Variants in DNAJC1 observed in about 807,000 individuals in gnomAD.
The protein encoded by DNAJC1 is dnaJ homolog subfamily C member 1.
A neutral mutation model predicts 76.6 loss-of-function variants in DNAJC1; 58 were observed. The observed-to-expected ratio is 0.76, with a 90% CI of 0.61 to 0.94. The LOEUF (loss-of-function observed/expected upper bound fraction) is 0.94, where lower values mean the gene tolerates loss of function less well. Among genes scored for constraint, DNAJC1 ranks in the 40% least tolerant of loss-of-function variants. The pLI is 0.00. For synonymous variants in DNAJC1, 258 were observed against 267.9 expected (o/e 0.96, Z 0.36); for missense variants, 689 against 677.3 (o/e 1.02, Z -0.19).
At chr10:21,858,785 G>C (rs1835879622) in intron 8 of DNAJC1, among the ~76,000 whole-genome samples, 2 of 152,088 alleles carry the variant, frequency 1.3e-5, no homozygotes, top group Non-Finnish European at 2.9e-5. Flanking sequence ...GGGAGGAAAA[G>C]GAAGAAAATA....
chr10:21,896,900 G>C (rs563624477), intron 7 of DNAJC1, among the ~76,000 whole-genome samples: 2 of 152,242 alleles, frequency 1.3e-5, no homozygotes, highest in South Asian at 4.1e-4. Context: ...TCTTACAAAA[G>C]AGACTTCACA....
chr10:21,767,968 C>T (rs1446714076), intron 9 of DNAJC1, among the ~76,000 whole-genome samples: 4 of 152,012 alleles, frequency 2.6e-5, no homozygotes, highest in Non-Finnish European at 2.9e-5. Context: ...GCACTCCAGC[C>T]TGGGCAACAG....
At chr10:21,906,800 T>A (rs977508968) in intron 6 of DNAJC1, among the ~76,000 whole-genome samples, 1 of 152,178 alleles carries the variant, frequency 6.6e-6, no homozygotes, top group South Asian at 2.1e-4. Context: ...AGGACTGTTA[T>A]GAAGATTAAA....
chr10:21,974,856 C>G (rs1042815441), intron 1 of DNAJC1, among the ~76,000 whole-genome samples: 7 of 151,892 alleles, frequency 4.6e-5, no homozygotes, highest in Non-Finnish European at 1.0e-4. Flanking sequence ...AAGTAGATTT[C>G]TCTATGTAAT....
intron 8 of DNAJC1, among the ~76,000 whole-genome samples, chr10:21,808,373 A>C (rs2131643560): frequency 6.6e-6 from 1 of 152,296 alleles, no homozygotes; most frequent in African/African-American, 2.4e-5. Context: ...AAAGCATAGT[A>C]GTTTTCTGAA....
At chr10:21,776,450 T>C (rs995546218) in intron 9 of DNAJC1, among the ~76,000 whole-genome samples, 6 of 152,214 alleles carry the variant, frequency 3.9e-5, no homozygotes, top group African/African-American at 1.4e-4. Flanking sequence ...AAGTTCATTA[T>C]TTTCATTTGT....
At chr10:21,814,153 T>C (rs1195276261) in intron 8 of DNAJC1, among the ~76,000 whole-genome samples, 1 of 152,166 alleles carries the variant, frequency 6.6e-6, no homozygotes, top group African/African-American at 2.4e-5. Flanking sequence ...ACATGCTAAT[T>C]AAGTTATATT....
At chr10:21,811,815 T>TAA (rs1834971565) in intron 8 of DNAJC1, among the ~76,000 whole-genome samples, 2 of 152,216 alleles carry the variant, frequency 1.3e-5, no homozygotes, top group South Asian at 4.2e-4. Context: ...TTCTCACATA[T>TAA]AAATACAGAG....
chr10:22,003,000 G>C (rs1032856539), intron 1 of DNAJC1, among the ~76,000 whole-genome samples: 2 of 152,186 alleles, frequency 1.3e-5, no homozygotes, highest in African/African-American at 4.8e-5. Flanking sequence ...CTGTCACTGG[G>C]GCTGGGACTA....
intron 1 of DNAJC1, among the ~76,000 whole-genome samples, chr10:21,942,656 A>T (rs1259970387): frequency 6.6e-6 from 1 of 151,936 alleles, no homozygotes; most frequent in Non-Finnish European, 1.5e-5. Flanking sequence ...AACACAAAAA[A>T]TTAGCCGGGT....
At chr10:21,991,872 C>T (rs1838331000) in intron 1 of DNAJC1, among the ~76,000 whole-genome samples, 1 of 152,182 alleles carries the variant, frequency 6.6e-6, no homozygotes, top group African/African-American at 2.4e-5. Context: ...TACCTGTTAG[C>T]TATATGCCTT....
intron 7 of DNAJC1, among the ~76,000 whole-genome samples, chr10:21,894,035 A>G (rs1051503742): frequency 6.6e-6 from 1 of 152,220 alleles, no homozygotes; most frequent in African/African-American, 2.4e-5. Context: ...AGATACATGT[A>G]TTTGACAACT....
intron 9 of DNAJC1, among the ~76,000 whole-genome samples, chr10:21,777,973 A>G (rs1360108478): frequency 6.6e-6 from 1 of 152,216 alleles, no homozygotes; most frequent in African/African-American, 2.4e-5. Context: ...GGATCACCTG[A>G]GGTCAGGAGT....
At chr10:21,795,394 C>T (rs753229496) in intron 9 of DNAJC1, among the ~76,000 whole-genome samples, 1 of 152,102 alleles carries the variant, frequency 6.6e-6, no homozygotes, top group Non-Finnish European at 1.5e-5. Context: ...ATGTGAAAGA[C>T]TAAATACTGT....
intron 10 of DNAJC1, among the ~76,000 whole-genome samples, chr10:21,765,837 C>T (rs1834293950): frequency 9.8e-6 from 1 of 101,630 alleles, no homozygotes; most frequent in South Asian, 5.3e-4. Flanking sequence ...GAGCAAGACT[C>T]CGTCTCAAAA....
At chr10:21,873,087 G>A (rs949752674) in intron 8 of DNAJC1, among the ~76,000 whole-genome samples, 2 of 152,058 alleles carry the variant, frequency 1.3e-5, no homozygotes, top group Non-Finnish European at 2.9e-5. Flanking sequence ...ACCGGTGCAC[G>A]CATCCCCCAG....
chr10:21,836,836 G>C (rs889198579), intron 8 of DNAJC1, among the ~76,000 whole-genome samples: 1 of 152,154 alleles, frequency 6.6e-6, no homozygotes, highest in African/African-American at 2.4e-5. Context: ...AGCAAGTCCT[G>C]AGTGACCTAC....
chr10:21,836,395 A>G (rs1431296229), intron 8 of DNAJC1, among the ~76,000 whole-genome samples: 2 of 152,202 alleles, frequency 1.3e-5, no homozygotes. Context: ...AAAGACCATC[A>G]AGGCTAGGAA....
intron 7 of DNAJC1, among the ~76,000 whole-genome samples, chr10:21,894,368 C>T (rs1295517946): frequency 9.2e-5 from 14 of 152,110 alleles, no homozygotes; most frequent in South Asian, 2.1e-4. Context: ...GTCACGAGTT[C>T]GAGACCAGCC....
Sources: allele counts gnomAD v4.1 joint callset (sites outside exome capture counted in the v4.1 genomes callset), GRCh38; gene constraint gnomAD v4.1.1; transcripts MANE v1.5; gene names NCBI Gene and HGNC (gene_info 2026-07-23, HGNC 2026-07-21).